EML6: variants seen among roughly 807,000 people sequenced by gnomAD.
EML6 encodes the protein echinoderm microtubule-associated protein-like 6.
A neutral mutation model predicts 240.1 loss-of-function variants in EML6; 154 were observed. The ratio of observed to expected loss-of-function variants is 0.64; its 90% confidence interval spans 0.56 to 0.73. The LOEUF is 0.73. Among genes scored for constraint, EML6 ranks in the 30% least tolerant of loss-of-function variants. EML6 has a pLI of 0.00. For synonymous variants in EML6, 1,148 were observed against 899.0 expected (o/e 1.28, Z -4.95); for missense variants, 2,964 against 2,474.6 (o/e 1.20, Z -4.20).
chr2:54,727,270 C>T (rs1225704110), intron 2 of EML6, among the ~76,000 whole-genome samples: 1 of 139,730 alleles, frequency 7.2e-6, no homozygotes, highest in African/African-American at 2.8e-5. Flanking sequence ...GGACTGTATT[C>T]ATAATTCTCC....
intron 7 of EML6, among the ~76,000 whole-genome samples, chr2:54,837,781 T>A (rs1669231911): frequency 6.6e-6 from 1 of 152,182 alleles, no homozygotes; most frequent in African/African-American, 2.4e-5. Flanking sequence ...GAAGTCTTGC[T>A]CTGGTCCAGA....
intron 16 of EML6, among the ~76,000 whole-genome samples, chr2:54,872,337 T>C (rs995637260): frequency 2.6e-4 from 40 of 152,216 alleles, no homozygotes; most frequent in Non-Finnish European, 4.4e-5. Context: ...AGAATGCTGA[T>C]TTTATAATTT....
intron 21 of EML6, among the ~76,000 whole-genome samples, chr2:54,896,895 CTA>C (rs1321252441): frequency 1.3e-5 from 2 of 152,170 alleles, no homozygotes; most frequent in Non-Finnish European, 2.9e-5. Flanking sequence ...AAGAAAAAAT[CTA>C]TGTTAAAAAC....
At chr2:54,901,558 CTGT>C (rs1352749191) in intron 22 of EML6, among the ~76,000 whole-genome samples, 1 of 152,238 alleles carries the variant, frequency 6.6e-6, no homozygotes, top group East Asian at 1.9e-4. Flanking sequence ...CAGTTTACCC[CTGT>C]TGTTCTGGTA....
Position 54,807,857 on chromosome 2 carries a change from A to G in EML6, c.198-5375A>G, listed in dbSNP as rs180743056. ...TGGTGGCCAGTCTAAGCTGGCTCCA[A>G]TCATGCCACTGTATGGCTGTATTTT... On this transcript the variant is annotated intron_variant, in intron 2 of 41. Coordinates refer to ENST00000356458, the MANE Select transcript of EML6 (RefSeq NM_001039753.4). Among the ~76,000 whole-genome samples the G allele has an allele frequency of 5.9e-5, 9 of 152,368 alleles. 1 individual carries two copies. In the East Asian group the frequency reaches 1.5e-3, roughly 26 times the overall value.
At chr2:54,799,245 G>C (rs1186495747) in intron 2 of EML6, among the ~76,000 whole-genome samples, 1 of 151,940 alleles carries the variant, frequency 6.6e-6, no homozygotes, top group Non-Finnish European at 1.5e-5. Context: ...ATTTTTAGTA[G>C]AGAAGGAGTT....
chr2:54,901,503 G>C lies in EML6; in HGVS notation c.3125-1541G>C, dbSNP rs17346093. The stretch of plus-strand genomic sequence containing the variant: ...ACTTTATTCTCTAAGTTAAAAATTA[G>C]TTGAACAACTATTGACCCATCTTAG... On this transcript the variant is annotated intron_variant, in intron 22 of 41. Transcript: ENST00000356458. Among the ~76,000 whole-genome samples the C allele has an allele frequency of 9.7e-3, 1,476 of 152,302 alleles. 15 individuals carry two copies. The highest frequency in any genetic ancestry group is 0.017 in the Non-Finnish European group (1,140 of 68,026).
intron 7 of EML6, among the ~76,000 whole-genome samples, chr2:54,833,349 T>A (rs1484715617): frequency 1.3e-5 from 2 of 152,226 alleles, no homozygotes; most frequent in East Asian, 3.8e-4. Flanking sequence ...TTGCATCTTC[T>A]AATAACTATT....
chr2:54,938,243 G>A (rs1338137686), intron 28 of EML6, among the ~76,000 whole-genome samples: 1 of 152,124 alleles, frequency 6.6e-6, no homozygotes, highest in Admixed American at 6.5e-5. Context: ...CTACTCGGGA[G>A]GCTGAGGGAG....
At chr2:54,902,956 C>G in intron 22 of EML6, 88 bp from the exon 23 acceptor site, 1 of 1,211,294 alleles carries the variant, frequency 8.3e-7, no homozygotes, top group Non-Finnish European at 1.2e-6. Context: ...ATACATAATG[C>G]ACATCATCAG....
At chr2:54,864,384 G>C (rs1195127650) in intron 13 of EML6, among the ~76,000 whole-genome samples, 1 of 152,084 alleles carries the variant, frequency 6.6e-6, no homozygotes, top group African/African-American at 2.4e-5. Context: ...AATAAAATGT[G>C]TATTAATCTC....
chr2:54,772,688 G>A (rs1041512357), intron 2 of EML6, among the ~76,000 whole-genome samples: 1 of 152,202 alleles, frequency 6.6e-6, no homozygotes, highest in African/African-American at 2.4e-5. Context: ...GTAGATGGGA[G>A]AGGTCAGGAG....
At chr2:54,843,939 G>A (rs1669605400) in intron 7 of EML6, 108 bp from the exon 8 acceptor site, 1 of 841,818 alleles carries the variant, frequency 1.2e-6, no homozygotes, top group Non-Finnish European at 1.9e-6. Flanking sequence ...TGGTATCCTG[G>A]TTAAAGGGCA....
chr2:54,964,773 TAAC>T, intron 38 of EML6, 40 bp downstream of exon 38: 1 of 1,538,070 alleles, frequency 6.5e-7, no homozygotes, highest in Non-Finnish European at 8.8e-7. Flanking sequence ...CAACCAATAA[TAAC>T]AGCAGTAATA....
intron 16 of EML6, among the ~76,000 whole-genome samples, chr2:54,876,047 A>G (rs184716956): frequency 2.0e-5 from 3 of 152,320 alleles, no homozygotes; most frequent in African/African-American, 4.8e-5. Context: ...ACCCTTTACT[A>G]CTGACATTAA....
intron 22 of EML6, among the ~76,000 whole-genome samples, 179 bp from the exon 23 acceptor site, chr2:54,902,865 G>C (rs1021472472): frequency 2.0e-5 from 3 of 152,200 alleles, no homozygotes; most frequent in Non-Finnish European, 4.4e-5. Flanking sequence ...ATGAGCTGCT[G>C]CGCCCAGACA....
Position 54,804,102 on chromosome 2 carries a change from A to G in EML6, c.198-9130A>G, listed in dbSNP as rs192687278. On this transcript the variant is annotated intron_variant, in intron 2 of 41. Transcript: ENST00000356458. ...TACCCTGAAAATGACTGTGTGCTAC[A>G]CTACAAGAAAGGTAGAATGCTCCAG... is the stretch of plus-strand genomic sequence containing the variant. 4.6e-3 allele frequency among the ~76,000 whole-genome samples: 699 copies of G among 152,374 alleles called. 2 individuals carry two copies. Among genetic ancestry groups the G allele is most frequent in the Admixed American group, 7.5e-3 (115 of 15,308 alleles).
chr2:54,964,455 A>G, intron 37 of EML6, 116 bp from the exon 38 acceptor site: 4 of 946,344 alleles, frequency 4.2e-6, no homozygotes, highest in Non-Finnish European at 6.3e-6. Context: ...CATGTGAGTC[A>G]CAAGGTGGCT....
chr2:54,904,273 C>G (rs1298342256), intron 24 of EML6, among the ~76,000 whole-genome samples: 1 of 152,096 alleles, frequency 6.6e-6, no homozygotes, highest in Admixed American at 6.5e-5. Flanking sequence ...CATTCAGTAC[C>G]CAGGGTGGAA....
Sources: allele counts gnomAD v4.1 joint callset (sites outside exome capture counted in the v4.1 genomes callset), GRCh38; gene constraint gnomAD v4.1.1; transcripts MANE v1.5; gene names NCBI Gene and HGNC (gene_info 2026-07-23, HGNC 2026-07-21).